The following OGFOD1 variants were observed in gnomAD, a reference collection of about 807,000 sequenced individuals.
The protein encoded by OGFOD1 is 2-oxoglutarate and iron dependent oxygenase domain containing 1, also known as prolyl 3-hydroxylase OGFOD1.
In OGFOD1, 54 loss-of-function variants were observed where a neutral mutation model predicts 67.7. That is an observed-to-expected ratio of 0.80 (90% CI 0.64 to 1.00). OGFOD1 has a LOEUF of 1.00. OGFOD1 is among the 50% of genes least tolerant of loss of function. The pLI, the probability that OGFOD1 is intolerant of heterozygous loss-of-function variation, is 0.00. For synonymous variants in OGFOD1, 221 were observed against 227.0 expected, an observed-to-expected ratio of 0.97 and a Z score of 0.24; for missense variants, 606 against 646.7, an observed-to-expected ratio of 0.94 and a Z score of 0.68.
chr16:56,466,085 A>G (rs1022900738), intron 4 of OGFOD1, 67 bp from the exon 5 acceptor site: 1 of 1,089,942 alleles, frequency 9.2e-7, no homozygotes, highest in Non-Finnish European at 1.4e-6. Context: ...ACTGATATTA[A>G]ATGCAGAGTC....
chr16:56,470,417 T>A, intron 9 of OGFOD1, 70 bp from the exon 10 acceptor site: 1 of 1,374,666 alleles, frequency 7.3e-7, no homozygotes, highest in Non-Finnish European at 1.0e-6. Context: ...AAGCTAACGA[T>A]CAGCTTTTAT....
intron 4 of OGFOD1, 79 bp from the exon 5 acceptor site, chr16:56,466,073 G>A (rs895933855): frequency 2.5e-5 from 24 of 953,342 alleles, no homozygotes; most frequent in African/African-American, 1.9e-4. Flanking sequence ...AATGTCAAAC[G>A]GACTGATATT....
At chr16:56,459,787 AAG>A (rs1317130721) in intron 3 of OGFOD1, among the ~76,000 whole-genome samples, 2 of 152,242 alleles carry the variant, frequency 1.3e-5, no homozygotes, top group Admixed American at 1.3e-4. Context: ...TTATTTTAAA[AAG>A]AGATACACAC....
rs1963569633 is a variant in OGFOD1 at position 56,478,396 on chromosome 16, A to G, written c.*2191A>G. On this transcript the variant is annotated 3_prime_UTR_variant, in exon 13 of 13. Coordinates refer to ENST00000566157, the MANE Select transcript of OGFOD1 (RefSeq NM_018233.4). ...GGCTGGAGACCACAATTTTTTAACC[A>G]CAGTGTAGCAACACTCAAGTGGGAT... The G allele has an allele frequency of 6.6e-6, 1 of 152,172 alleles. No homozygotes were observed. The highest frequency in any genetic ancestry group is 2.4e-5 in the African/African-American group (1 of 41,446). 9.4% of individuals were successfully genotyped at this position (152,172 alleles called of 1,614,324 possible). A position where few individuals can be genotyped will look rare whatever the true frequency, so the allele number is the denominator to read the frequency against.
Position 56,460,407 on chromosome 16 carries a change from T to C in OGFOD1, c.347+1813T>C, listed in dbSNP as rs544817350. On this transcript the variant is annotated intron_variant, in intron 3 of 12. Transcript: ENST00000566157. ...TGAATAGAAGAGCTTTTTCTGGAAT[T>C]TGTGAAAGCTAATGTTACCAGTAAA... Among the ~76,000 whole-genome samples the C allele has an allele frequency of 7.9e-5, 12 of 152,376 alleles. No individual in the cohort carries two copies. In the South Asian group the frequency reaches 1.9e-3, roughly 24 times the overall value.
intron 4 of OGFOD1, among the ~76,000 whole-genome samples, chr16:56,463,393 T>C (rs1596973339): frequency 8.5e-6 from 1 of 118,320 alleles, no homozygotes; most frequent in African/African-American, 3.1e-5. Flanking sequence ...GGTTTTTTTT[T>C]TTTTTTTTTT....
chr16:56,453,600 A>G, intron 2 of OGFOD1, 192 bp downstream of exon 2: 1 of 518,832 alleles, frequency 1.9e-6, no homozygotes, highest in East Asian at 3.2e-5. Flanking sequence ...CTATAATTAT[A>G]TGGAAGCCTT....
intron 12 of OGFOD1, 126 bp from the exon 13 acceptor site, chr16:56,475,918 A>C (rs1163139225): frequency 1.2e-6 from 1 of 832,852 alleles, no homozygotes; most frequent in African/African-American, 1.7e-5. Context: ...GTAAGTGTTC[A>C]TTCAGAGGAC....
chr16:56,468,055 G>A (rs1962980214), intron 8 of OGFOD1, 37 bp downstream of exon 8: 2 of 1,176,008 alleles, frequency 1.7e-6, no homozygotes, highest in East Asian at 2.3e-5. Flanking sequence ...TATTTTGTTT[G>A]GCATGCAATT....
intron 3 of OGFOD1, among the ~76,000 whole-genome samples, chr16:56,462,020 G>T (rs1962726952): frequency 6.6e-6 from 1 of 151,714 alleles, no homozygotes; most frequent in African/African-American, 2.4e-5. Flanking sequence ...TTGAACCCAG[G>T]AGGCAGAGGT....
At position 56,470,042 on chromosome 16, in the gene OGFOD1, G is replaced by A. The variant is rs763003682; in HGVS notation, c.940G>A (p.Gly314Arg). The A allele has an allele frequency of 5.0e-6, 8 of 1,613,930 alleles. No homozygotes were observed. Among genetic ancestry groups the A allele is most frequent in the Non-Finnish European group, 6.8e-6 (8 of 1,180,008 alleles). The part of the protein sequence containing the change: ...FTKVCEALEH[G>R]HVEWSSRGPP... Reference sequence around the variant, plus strand: ...GAAAGTCTGTGAGGCCTTGGAGCATGGACATGTGGAATGGAGCAGCCGAGG... The same window carrying A: ...GAAAGTCTGTGAGGCCTTGGAGCATAGACATGTGGAATGGAGCAGCCGAGG... Residue 314 changes from glycine to arginine, a missense_variant, in exon 9 of 13, where the codon GGA becomes AGA. Coordinates refer to ENST00000566157, the MANE Select transcript of OGFOD1 (RefSeq NM_018233.4).
rs1330848948 is a variant in OGFOD1 at position 56,458,556 on chromosome 16, T to C, written c.309T>C (p.Asp103=). ...CTATTTTCATGATCAAGTCTGATGA[T>C]TTGAAGAAGAGAAGAGAGCCTCACA... ...NDLYKFQQSD[D]LKKRREPHIS... is the part of the protein sequence containing the mutation. Residue 103 remains aspartate (D), a synonymous_variant, in exon 3 of 13, where the codon GAT becomes GAC. Transcript: ENST00000566157. The C allele has an allele frequency of 6.2e-7, 1 of 1,613,236 alleles. No homozygotes were observed. Among genetic ancestry groups the C allele is most frequent in the South Asian group, 1.1e-5 (1 of 91,040 alleles).
intron 2 of OGFOD1, among the ~76,000 whole-genome samples, chr16:56,454,384 T>C (rs1228278872): frequency 6.6e-6 from 1 of 151,448 alleles, no homozygotes; most frequent in African/African-American, 2.4e-5. Context: ...TGTTTTTGTT[T>C]CAGGTGACTT....
intron 3 of OGFOD1, among the ~76,000 whole-genome samples, chr16:56,461,470 CTAG>C (rs1459196356): frequency 6.6e-6 from 1 of 152,194 alleles, no homozygotes; most frequent in African/African-American, 2.4e-5. Flanking sequence ...AACTGGTAAT[CTAG>C]TAAACAAACT....
intron 3 of OGFOD1, among the ~76,000 whole-genome samples, chr16:56,461,096 CAG>C (rs1174431547): frequency 2.6e-5 from 4 of 152,232 alleles, no homozygotes; most frequent in Non-Finnish European, 5.9e-5. Flanking sequence ...TCTTCTAAAA[CAG>C]TGCCACCCAA....
At chr16:56,457,478 C>G (rs1254624375) in intron 2 of OGFOD1, among the ~76,000 whole-genome samples, 3 of 152,166 alleles carry the variant, frequency 2.0e-5, no homozygotes, top group Non-Finnish European at 2.9e-5. Context: ...TGCTGATGAT[C>G]GCCCAACATT....
At chr16:56,473,263 C>A (rs1266308713) in intron 10 of OGFOD1, among the ~76,000 whole-genome samples, 1 of 152,204 alleles carries the variant, frequency 6.6e-6, no homozygotes. Context: ...TGCTTTCCAA[C>A]ATTGCATTTC....
chr16:56,453,375 T>C lies in OGFOD1; in HGVS notation c.267T>C (p.His89=). The C allele has an allele frequency of 6.2e-7, 1 of 1,611,978 alleles. No individual in the cohort carries two copies. The highest frequency in any genetic ancestry group is 8.5e-7 in the Non-Finnish European group (1 of 1,178,448). ...LQKELMNLDF[H]EKYNDLYKFQ... The stretch of plus-strand genomic sequence containing the variant: ...AGGAACTGATGAACTTGGACTTCCA[T>C]GAGAAGTATAATGATTTATATAAGT... Residue 89 remains histidine, a synonymous_variant, in exon 2 of 13, where the codon CAT becomes CAC. Transcript: ENST00000566157.
At chr16:56,458,895 G>T in intron 3 of OGFOD1, 1 of 361,624 alleles carries the variant, frequency 2.8e-6, no homozygotes, top group Non-Finnish European at 5.1e-6. Flanking sequence ...TGTTAGGTTG[G>T]TAAATATTAA....
Sources: allele counts gnomAD v4.1 joint callset (sites outside exome capture counted in the v4.1 genomes callset), GRCh38; gene constraint gnomAD v4.1.1; transcripts MANE v1.5; gene names NCBI Gene and HGNC (gene_info 2026-07-23, HGNC 2026-07-21).